The following SLC9A8 variants were observed in gnomAD, a reference collection of about 807,000 sequenced individuals.
SLC9A8 encodes the protein sodium/hydrogen exchanger 8.
In SLC9A8, 48 loss-of-function variants were observed where a neutral mutation model predicts 66.6. That is an observed-to-expected ratio of 0.72 (90% CI 0.57 to 0.92). SLC9A8 has a LOEUF of 0.92. Among genes scored for constraint, SLC9A8 ranks in the 40% least tolerant of loss-of-function variants. SLC9A8 has a pLI of 0.00. For missense variants in SLC9A8, 599 were observed against 747.3 expected, an observed-to-expected ratio of 0.80 and a Z score of 2.31; for synonymous variants, 274 against 282.6, an observed-to-expected ratio of 0.97 and a Z score of 0.31.
rs2089883334 is a variant in SLC9A8, at chr20:49,886,145, C to A, written c.1492-607C>A. Among the ~76,000 whole-genome samples the A allele has an allele frequency of 6.6e-6, 1 of 151,758 alleles. No homozygotes were observed. Among genetic ancestry groups the A allele is most frequent in the Non-Finnish European group, 1.5e-5 (1 of 67,896 alleles). Reference sequence around the variant, plus strand: ...ACCTGCAGTGAAGCTGCAGAGCACACTTCACTGTGGCCCCACTGAGACTCC... The same window carrying A: ...ACCTGCAGTGAAGCTGCAGAGCACAATTCACTGTGGCCCCACTGAGACTCC... On this transcript the variant is annotated intron_variant, in intron 14 of 15. Coordinates refer to ENST00000361573, the MANE Select transcript of SLC9A8 (RefSeq NM_015266.3). This position sits in a 1 kb window ranked among gnomAD's most constrained non-coding sequence, Gnocchi z 4.8.
intron 2 of SLC9A8, among the ~76,000 whole-genome samples, chr20:49,820,830 C>G (rs1162750379): frequency 2.0e-5 from 3 of 152,116 alleles, no homozygotes; most frequent in African/African-American, 7.2e-5. Context: ...CAGGTGTGAG[C>G]CACCGCACCA....
intron 8 of SLC9A8, 23 bp downstream of exon 8, chr20:49,855,604 G>T: frequency 6.2e-7 from 1 of 1,609,606 alleles, no homozygotes. Context: ...GCAGAGAACA[G>T]ACTTTTTTCA....
At chr20:49,850,762 G>T (rs1425162801) in intron 6 of SLC9A8, 48 bp from the exon 7 acceptor site, 1 of 1,599,658 alleles carries the variant, frequency 6.3e-7, no homozygotes, top group Non-Finnish European at 8.5e-7. Flanking sequence ...TGTTCTCCAG[G>T]GTTTTTTTTT....
chr20:49,813,764 T>C (rs962401975), intron 1 of SLC9A8, among the ~76,000 whole-genome samples: 4 of 152,086 alleles, frequency 2.6e-5, no homozygotes, highest in Admixed American at 6.5e-5. Context: ...GAATGAGGGA[T>C]AGGAGAAATA....
intron 4 of SLC9A8, among the ~76,000 whole-genome samples, chr20:49,840,206 A>G (rs1371403689): frequency 1.3e-5 from 2 of 151,918 alleles, no homozygotes; most frequent in African/African-American, 4.8e-5. Flanking sequence ...CCACCATACC[A>G]CCCCGTCCTC....
At chr20:49,885,765 C>G (rs979763395) in intron 14 of SLC9A8, among the ~76,000 whole-genome samples, 1 of 152,214 alleles carries the variant, frequency 6.6e-6, no homozygotes, top group Non-Finnish European at 1.5e-5. Context: ...ATTATACCCA[C>G]TTTGCAGATG....
intron 5 of SLC9A8, among the ~76,000 whole-genome samples, chr20:49,846,059 G>C (rs189977393): frequency 6.6e-6 from 1 of 151,986 alleles, no homozygotes; most frequent in Non-Finnish European, 1.5e-5. Flanking sequence ...GGCTGGTCTC[G>C]AACTCCTGAC....
intron 11 of SLC9A8, among the ~76,000 whole-genome samples, chr20:49,875,783 G>A (rs2089403487): frequency 6.6e-6 from 1 of 151,754 alleles, no homozygotes; most frequent in Admixed American, 6.6e-5. Flanking sequence ...CGCCCAGGCT[G>A]GGGTGCAGTG....
intron 3 of SLC9A8, among the ~76,000 whole-genome samples, chr20:49,833,491 A>G (rs1210031758): frequency 6.6e-6 from 1 of 152,250 alleles, no homozygotes; most frequent in African/African-American, 2.4e-5. Context: ...AACATTTTTC[A>G]TGTAACCTTA....
rs1009582213 is a variant in SLC9A8, at chr20:49,874,555, T to C, written c.959-150T>C. 500 of 642,530 alleles carry C rather than the reference T, an allele frequency of 7.8e-4. 5 individuals are homozygous for C. The highest frequency in any genetic ancestry group is 5.6e-3 in the Middle Eastern group (16 of 2,854). 39.8% of individuals were successfully genotyped at this position (642,530 alleles called of 1,614,324 possible). A position where few individuals can be genotyped will look rare whatever the true frequency, so the allele number is the denominator to read the frequency against. On this transcript the variant is annotated intron_variant, in intron 10 of 15. Coordinates refer to ENST00000361573, the MANE Select transcript of SLC9A8 (RefSeq NM_015266.3). Reference sequence around the variant, plus strand: ...GAGCGAAGGGACCCATAGTATTTTTTCTGAAGCCTCTGGGAGGCTTCAGGA... The same window carrying C: ...GAGCGAAGGGACCCATAGTATTTTTCCTGAAGCCTCTGGGAGGCTTCAGGA...
At chr20:49,871,387 C>G (rs2089201807) in intron 10 of SLC9A8, among the ~76,000 whole-genome samples, 2 of 152,206 alleles carry the variant, frequency 1.3e-5, no homozygotes, top group Non-Finnish European at 2.9e-5. Flanking sequence ...CCTTTCTTTT[C>G]TGCCATTCTT....
At chr20:49,870,335 G>C (rs1357141167) in intron 10 of SLC9A8, among the ~76,000 whole-genome samples, 2 of 152,234 alleles carry the variant, frequency 1.3e-5, no homozygotes, top group African/African-American at 4.8e-5. Flanking sequence ...AGTGGCATGT[G>C]GTAGAGAATG....
At chr20:49,830,795 C>A in intron 3 of SLC9A8, 1 of 988,024 alleles carries the variant, frequency 1.0e-6, no homozygotes. Context: ...AGGTGCTGAC[C>A]CTGGCCTAGG....
At position 49,886,725 on chromosome 20, in the gene SLC9A8, G is replaced by A. The variant is rs199498903; in HGVS notation, c.1492-27G>A. ...CCCCCGATGGTGCCAGCTGGTGGCCGTCGGGCCGCCTTTCCTCCCTGCTCA... is the reference window on the plus strand; with the variant it reads ...CCCCCGATGGTGCCAGCTGGTGGCCATCGGGCCGCCTTTCCTCCCTGCTCA... On this transcript the variant is annotated intron_variant, in intron 14 of 15. Transcript: ENST00000361573. This position sits in a 1 kb window ranked among gnomAD's most constrained non-coding sequence, Gnocchi z 4.8. The A allele has an allele frequency of 1.7e-4, 273 of 1,602,254 alleles. No homozygotes were observed. The African/African-American group carries it at 2.6e-3, about 15-fold the overall frequency.
chr20:49,879,813 A>C (rs955349624), intron 12 of SLC9A8, among the ~76,000 whole-genome samples: 11 of 144,226 alleles, frequency 7.6e-5, no homozygotes, highest in Non-Finnish European at 1.2e-4. Flanking sequence ...AAAAAAAAAA[A>C]CTCTCAAATT....
chr20:49,867,766 C>G (rs1487069443), intron 10 of SLC9A8, among the ~76,000 whole-genome samples: 1 of 152,162 alleles, frequency 6.6e-6, no homozygotes, highest in Non-Finnish European at 1.5e-5. Flanking sequence ...TGTTTCATAT[C>G]TTGTATCAGG....
chr20:49,840,859 G>A (rs2146566075), intron 4 of SLC9A8, among the ~76,000 whole-genome samples: 1 of 152,010 alleles, frequency 6.6e-6, no homozygotes, highest in East Asian at 1.9e-4. Context: ...GCTCATGCCT[G>A]TAATCCCAGC....
At chr20:49,873,247 C>A (rs556914674) in intron 10 of SLC9A8, among the ~76,000 whole-genome samples, 2 of 152,146 alleles carry the variant, frequency 1.3e-5, no homozygotes, top group South Asian at 4.2e-4. Context: ...TTTGGGAGGC[C>A]GAGGCAGGTT....
chr20:49,884,169 T>C (rs1340150368), intron 14 of SLC9A8, 103 bp downstream of exon 14: 1 of 921,836 alleles, frequency 1.1e-6, no homozygotes, highest in African/African-American at 1.6e-5. Context: ...GCTTTCTTGC[T>C]TTGAGGATGC....
Sources: allele counts gnomAD v4.1 joint callset (sites outside exome capture counted in the v4.1 genomes callset), GRCh38; gene constraint gnomAD v4.1.1; non-coding constraint Gnocchi (gnomAD v3.1); transcripts MANE v1.5; gene names NCBI Gene and HGNC (gene_info 2026-07-23, HGNC 2026-07-21).